Variants in CA10 observed in about 807,000 individuals in gnomAD.
CA10 encodes the protein carbonic anhydrase-related protein 10.
Under a neutral mutation model 44.2 loss-of-function variants are expected in CA10, and 14 were observed. The ratio of observed to expected loss-of-function variants is 0.32; its 90% CI spans 0.21 to 0.50. CA10 has a LOEUF of 0.50. Among genes scored for constraint, CA10 ranks in the 20% least tolerant of loss-of-function variants. The pLI is 0.99. For missense variants in CA10, 350 were observed against 409.7 expected (o/e 0.85, Z 1.26); for synonymous variants, 159 against 141.6 (o/e 1.12, Z -0.87).
chr17:52,020,414 T>C (rs900486519), intron 2 of CA10, among the ~76,000 whole-genome samples: 4 of 152,032 alleles, frequency 2.6e-5, no homozygotes, highest in Admixed American at 2.0e-4. Flanking sequence ...TTAATTTATA[T>C]GTCTACTTTT....
intron 2 of CA10, among the ~76,000 whole-genome samples, chr17:51,968,196 C>T (rs970089355): frequency 1.3e-5 from 2 of 151,740 alleles, no homozygotes; most frequent in African/African-American, 4.8e-5. Flanking sequence ...CCACCTAGGC[C>T]ACAGCACAGC....
chr17:51,682,762 A>C (rs1367654861), intron 4 of CA10, among the ~76,000 whole-genome samples: 1 of 151,912 alleles, frequency 6.6e-6, no homozygotes, highest in Non-Finnish European at 1.5e-5. Context: ...AAATGTAAGG[A>C]AATGGAAAGA....
chr17:51,914,247 G>A (rs1423929777), intron 3 of CA10, among the ~76,000 whole-genome samples: 1 of 107,736 alleles, frequency 9.3e-6, no homozygotes, highest in Non-Finnish European at 2.2e-5. Flanking sequence ...AGGAAGAGAG[G>A]CTGCAGAGGA....
chr17:51,943,687 T>C (rs1983169026), intron 2 of CA10, among the ~76,000 whole-genome samples: 2 of 152,198 alleles, frequency 1.3e-5, no homozygotes, highest in South Asian at 2.1e-4. Flanking sequence ...AATAAGTCTA[T>C]GGCGGGATCC....
At chr17:52,142,588 T>C (rs1030376503) in intron 1 of CA10, among the ~76,000 whole-genome samples, 7 of 152,120 alleles carry the variant, frequency 4.6e-5, no homozygotes, top group African/African-American at 1.4e-4. Flanking sequence ...GTAAGTTTAA[T>C]ATATATATAA....
chr17:51,678,307 T>A (rs1449716312), intron 4 of CA10, among the ~76,000 whole-genome samples: 1 of 152,196 alleles, frequency 6.6e-6, no homozygotes. Flanking sequence ...GCATAACATT[T>A]TGACTGTGCT....
chr17:51,632,840 C>T (rs1242997350), intron 8 of CA10, among the ~76,000 whole-genome samples: 4 of 152,166 alleles, frequency 2.6e-5, no homozygotes, highest in Non-Finnish European at 5.9e-5. Flanking sequence ...GCTGGGTGTG[C>T]ACCACAGAGT....
At chr17:51,675,129 A>C (rs1392331755) in intron 4 of CA10, among the ~76,000 whole-genome samples, 1 of 152,210 alleles carries the variant, frequency 6.6e-6, no homozygotes, top group Non-Finnish European at 1.5e-5. Context: ...TTTGCAGAGG[A>C]TGCTGCCCAT....
At chr17:52,159,573 C>T (rs1038217029), upstream of CA10, 1 of 152,418 alleles carries the variant, frequency 6.6e-6, no homozygotes, top group African/African-American at 2.4e-5. Context: ...CACTCAGCAG[C>T]TTCCACTGAA....
intron 3 of CA10, among the ~76,000 whole-genome samples, chr17:51,900,811 C>T (rs1220546253): frequency 1.3e-5 from 2 of 152,106 alleles, no homozygotes; most frequent in Non-Finnish European, 2.9e-5. Flanking sequence ...GCTGTTAATA[C>T]TTGCAATTGT....
intron 3 of CA10, among the ~76,000 whole-genome samples, chr17:51,929,832 T>G (rs1982580357): frequency 6.6e-6 from 1 of 152,098 alleles, no homozygotes; most frequent in African/African-American, 2.4e-5. Context: ...AGCAATAAAC[T>G]AAATGACCTA....
chr17:51,703,491 T>C (rs1200281752), intron 4 of CA10, among the ~76,000 whole-genome samples: 1 of 152,082 alleles, frequency 6.6e-6, no homozygotes, highest in Non-Finnish European at 1.5e-5. Flanking sequence ...AGATAAGGCC[T>C]TATTCTCTCC....
At chr17:51,733,306 G>T (rs1383736530) in intron 4 of CA10, among the ~76,000 whole-genome samples, 1 of 152,164 alleles carries the variant, frequency 6.6e-6, no homozygotes, top group Non-Finnish European at 1.5e-5. Flanking sequence ...AAAGCCAAGG[G>T]CTGGCTGGCT....
At chr17:52,082,952 T>G (rs1453206745) in intron 1 of CA10, among the ~76,000 whole-genome samples, 1 of 152,064 alleles carries the variant, frequency 6.6e-6, no homozygotes, top group African/African-American at 2.4e-5. Flanking sequence ...TGTAGTAGAG[T>G]GTATTTATGT....
intron 1 of CA10, among the ~76,000 whole-genome samples, chr17:52,108,105 C>G (rs1988698746): frequency 6.7e-6 from 1 of 149,980 alleles, no homozygotes. Flanking sequence ...TTCTATCAGG[C>G]ACTTTGAAAT....
chr17:51,717,831 A>ATGTATATATGTATATATATACGTGTATG (rs1483566180), intron 4 of CA10, among the ~76,000 whole-genome samples: 6 of 47,284 alleles, frequency 1.3e-4, no homozygotes, highest in African/African-American at 6.1e-4. Flanking sequence ...ATGTGTGTGT[A>ATGTATATATGTATATATATACGTGTATG]TATATATATA....
At chr17:52,049,103 G>A (rs909465531) in intron 2 of CA10, among the ~76,000 whole-genome samples, 9 of 152,090 alleles carry the variant, frequency 5.9e-5, no homozygotes, top group African/African-American at 2.2e-4. Context: ...ACTTTAAGTG[G>A]TGGGCGTTAG....
chr17:51,865,065 C>A (rs559513614), intron 3 of CA10, among the ~76,000 whole-genome samples: 25 of 152,254 alleles, frequency 1.6e-4, no homozygotes, highest in African/African-American at 5.5e-4. Context: ...AATGGACTTT[C>A]CCTCTGAGGT....
chr17:51,971,356 A>G (rs908321946), intron 2 of CA10, among the ~76,000 whole-genome samples: 14 of 152,144 alleles, frequency 9.2e-5, no homozygotes, highest in Middle Eastern at 3.2e-3. Context: ...CATAAGAAGC[A>G]CAAAATACTT....
Sources: gnomAD v4.1 joint callset for allele counts (sites outside exome capture counted in the v4.1 genomes callset) on GRCh38, gnomAD v4.1.1 for gene constraint, MANE v1.5 for transcripts, NCBI Gene and HGNC (gene_info 2026-07-23, HGNC 2026-07-21) for gene names.